KCTD2: variants seen among roughly 807,000 people sequenced by gnomAD.
KCTD2 encodes potassium channel tetramerization domain containing 2.
A neutral mutation model predicts 27.9 loss-of-function variants in KCTD2; 18 were observed. The observed-to-expected ratio is 0.64, with a 90% CI of 0.45 to 0.96. The LOEUF is 0.96. KCTD2 is among the 40% of genes least tolerant of loss of function. KCTD2 has a pLI of 0.00. For missense variants in KCTD2, 280 were observed against 348.0 expected, an observed-to-expected ratio of 0.80 and a Z score of 1.56; for synonymous variants, 175 against 148.4, an observed-to-expected ratio of 1.18 and a Z score of -1.30.
At chr17:75,040,025 T>G (rs2073142676) in intron 3 of KCTD2, 1 of 1,536,742 alleles carries the variant, frequency 6.5e-7, no homozygotes, top group African/African-American at 1.4e-5. Context: ...CTAACTTAAC[T>G]TAGCTATAAT....
intron 3 of KCTD2, among the ~76,000 whole-genome samples, chr17:75,056,530 T>G (rs2073351897): frequency 6.6e-6 from 1 of 152,224 alleles, no homozygotes; most frequent in African/African-American, 2.4e-5. Context: ...TTAAATTAAT[T>G]AGTCTTCTAG....
chr17:75,064,316 G>A lies in KCTD2; in HGVS notation c.*1269G>A, dbSNP rs571825430. Reference sequence around the variant, plus strand: ...AGTCATGGAATGCGGTAGAGCCAGGGGACCCTGTCTGCCCCGAATAACTTT... The same window carrying A: ...AGTCATGGAATGCGGTAGAGCCAGGAGACCCTGTCTGCCCCGAATAACTTT... On this transcript the variant is annotated 3_prime_UTR_variant, in exon 6 of 6. Coordinates refer to ENST00000322444, the MANE Select transcript of KCTD2 (RefSeq NM_015353.3). 43 of 152,364 alleles carry A rather than the reference G, an allele frequency of 2.8e-4. No homozygotes were observed. Among genetic ancestry groups the A allele is most frequent in the African/African-American group, 9.9e-4 (41 of 41,580 alleles). The allele number at this position is 152,364 out of a possible 1,614,324, so 9.4% of individuals were successfully genotyped here. A position where few individuals can be genotyped will look rare whatever the true frequency, so the allele number is the denominator to read the frequency against.
At chr17:75,039,093 TGTAAA>T in intron 3 of KCTD2, 1 of 1,613,076 alleles carries the variant, frequency 6.2e-7, no homozygotes, top group Non-Finnish European at 8.5e-7. Context: ...GTTTAGTTAA[TGTAAA>T]CAGAGACGGA....
chr17:75,058,218 AG>A (rs1479483810), intron 3 of KCTD2, among the ~76,000 whole-genome samples: 6 of 151,958 alleles, frequency 3.9e-5, no homozygotes, highest in African/African-American at 1.5e-4. Flanking sequence ...CAGCTATTCA[AG>A]AGGCTGCTGA....
intron 3 of KCTD2, chr17:75,041,969 A>C: frequency 2.2e-6 from 1 of 464,162 alleles, no homozygotes; most frequent in Non-Finnish European, 3.8e-6. Flanking sequence ...TCTGGCTCCC[A>C]GATTAAGGCT....
At chr17:75,056,862 G>T (rs1299163560) in intron 3 of KCTD2, among the ~76,000 whole-genome samples, 2 of 151,940 alleles carry the variant, frequency 1.3e-5, no homozygotes, top group Non-Finnish European at 2.9e-5. Flanking sequence ...CCAAGATGTG[G>T]GCCTCAACCC....
intron 3 of KCTD2, among the ~76,000 whole-genome samples, chr17:75,038,297 C>T (rs1307123311): frequency 6.6e-6 from 1 of 151,942 alleles, no homozygotes; most frequent in African/African-American, 2.4e-5. Flanking sequence ...GCCCCACCAC[C>T]ACGCCTGGCT....
At chr17:75,046,837 G>A (rs1222142145), upstream of KCTD2, 3 of 152,534 alleles carry the variant, frequency 2.0e-5, no homozygotes, top group Non-Finnish European at 4.4e-5. Flanking sequence ...CCTTGACGGG[G>A]GCGTGACAAG....
chr17:75,061,982 T>TA (rs2073408159), intron 4 of KCTD2, 138 bp from the exon 5 acceptor site: 1 of 894,490 alleles, frequency 1.1e-6, no homozygotes, highest in Non-Finnish European at 1.7e-6. Flanking sequence ...GGGGCTTTGG[T>TA]AGTCACAGAG....
At chr17:75,045,928 G>A (rs1489093681), upstream of KCTD2, among the ~76,000 whole-genome samples, 2 of 152,180 alleles carry the variant, frequency 1.3e-5, no homozygotes, top group East Asian at 1.9e-4. Context: ...GTAAAGACAG[G>A]CATAAGAAAT....
At position 75,063,096 on chromosome 17, in the gene KCTD2, C is replaced by G; in HGVS notation, c.*49C>G. 1 of 1,579,270 alleles carries G rather than the reference C, an allele frequency of 6.3e-7. No homozygotes were observed. Among genetic ancestry groups the G allele is most frequent in the South Asian group, 1.1e-5 (1 of 89,802 alleles). On this transcript the variant is annotated 3_prime_UTR_variant, in exon 6 of 6. Coordinates refer to ENST00000322444, the MANE Select transcript of KCTD2 (RefSeq NM_015353.3). ...CCTTCAGGAGAGCAGTCAGCAGAGCCCCTCTGTGAAGTGAAACCTCACTCC... is the reference window on the plus strand; with the variant it reads ...CCTTCAGGAGAGCAGTCAGCAGAGCGCCTCTGTGAAGTGAAACCTCACTCC...
chr17:75,046,816 G>A (rs1289274527), upstream of KCTD2: 1 of 152,458 alleles, frequency 6.6e-6, no homozygotes, highest in Non-Finnish European at 1.5e-5. Context: ...GGCAAGCCGA[G>A]GGCCCAGCGT....
Position 75,049,279 on chromosome 17 carries a change from C to G in KCTD2, c.399C>G (p.Asn133Lys), listed in dbSNP as rs1567990835. ...CCACCTACTTTGGTCCTATCCTCAA[C>G]TACCTCCGCCACGGGAAACTCATCA... ...RDPTYFGPIL[N>K]YLRHGKLIIT... Residue 133 changes from asparagine (N) to lysine (K), a missense_variant, in exon 2 of 6, where the codon AAC (asparagine) becomes AAG (lysine). By Grantham distance (94) the Asn-to-Lys change is moderately conservative (BLOSUM62 0). Coordinates refer to ENST00000322444, the MANE Select transcript of KCTD2 (RefSeq NM_015353.3). The G allele has an allele frequency of 1.2e-6, 2 of 1,613,950 alleles. No individual in the cohort carries two copies. The highest frequency in any genetic ancestry group is 8.5e-7 in the Non-Finnish European group (1 of 1,179,810).
At chr17:75,035,567 TCCCAACAC>T (rs200610566) in intron 3 of KCTD2, among the ~76,000 whole-genome samples, 6,984 of 152,142 alleles carry the variant, frequency 0.046, 259 homozygotes, top group African/African-American at 0.1. Context: ...ACGCCTGTAA[TCCCAACAC>T]TTTGGGAGGC....
At chr17:75,053,789 A>G (rs970908567) in intron 3 of KCTD2, among the ~76,000 whole-genome samples, 1 of 148,358 alleles carries the variant, frequency 6.7e-6, no homozygotes, top group Non-Finnish European at 1.5e-5. Context: ...ATCGAGTCAC[A>G]TGCAGCTCCT....
chr17:75,058,704 C>T (rs1009501666), intron 3 of KCTD2, among the ~76,000 whole-genome samples: 3 of 151,978 alleles, frequency 2.0e-5, no homozygotes, highest in Non-Finnish European at 4.4e-5. Context: ...GAGGCTGAGG[C>T]GGGAGAATCG....
At chr17:75,060,816 C>T (rs2073397493) in intron 4 of KCTD2, among the ~76,000 whole-genome samples, 1 of 152,230 alleles carries the variant, frequency 6.6e-6, no homozygotes, top group Non-Finnish European at 1.5e-5. Context: ...CAGATGCTTA[C>T]CTTCTAAAAG....
At chr17:75,035,701 G>A (rs1044423222) in intron 3 of KCTD2, among the ~76,000 whole-genome samples, 1 of 152,118 alleles carries the variant, frequency 6.6e-6, no homozygotes, top group East Asian at 1.9e-4. Context: ...GTGGTGGCAC[G>A]CGCCTGTAAA....
intron 1 of KCTD2, among the ~76,000 whole-genome samples, chr17:75,048,114 C>T (rs1025403891): frequency 2.0e-5 from 3 of 152,194 alleles, no homozygotes; most frequent in Non-Finnish European, 4.4e-5. Flanking sequence ...GGTCGCAGAA[C>T]TTTTATCTGT....
Sources: allele counts gnomAD v4.1 joint callset (sites outside exome capture counted in the v4.1 genomes callset), GRCh38; gene constraint gnomAD v4.1.1; transcripts MANE v1.5; gene names NCBI Gene and HGNC (gene_info 2026-07-23, HGNC 2026-07-21).